CTSS: variants seen among roughly 807,000 people sequenced by gnomAD.
CTSS encodes cathepsin S.
A neutral mutation model predicts 39.9 loss-of-function variants in CTSS; 15 were observed. That is an observed-to-expected ratio of 0.38 (90% confidence interval 0.25 to 0.58). The LOEUF (loss-of-function observed/expected upper bound fraction) is 0.58. CTSS is among the 20% of genes least tolerant of loss of function. The pLI is 0.70. For missense variants in CTSS, 250 were observed against 398.2 expected (o/e 0.63, Z 3.17); for synonymous variants, 126 against 138.2 (o/e 0.91, Z 0.62).
chr1:150,741,824 G>A (rs980608228), intron 7 of CTSS, among the ~76,000 whole-genome samples: 1 of 150,596 alleles, frequency 6.6e-6, no homozygotes, highest in South Asian at 2.2e-4. Flanking sequence ...GCAGTGAGCC[G>A]AGATTGTGCC....
chr1:150,760,242 C>T (rs1220051028), intron 2 of CTSS, among the ~76,000 whole-genome samples: 2 of 152,132 alleles, frequency 1.3e-5, no homozygotes, highest in Non-Finnish European at 2.9e-5. Flanking sequence ...AAATTCATCA[C>T]CACCAACGAA....
chr1:150,731,710 A>C lies in CTSS; in HGVS notation c.*1336T>G, dbSNP rs1652527537. On this transcript the variant is annotated 3_prime_UTR_variant, in exon 8 of 8. Transcript: ENST00000368985. ...AGGAAGATCCATCTGAATTAGATAA[A>C]AATATGAGCAGTGGAGTATTGGTTA... is the stretch of plus-strand genomic sequence containing the variant. The C allele has an allele frequency of 6.6e-6, 1 of 152,182 alleles. No individual in the cohort carries two copies. Among genetic ancestry groups the C allele is most frequent in the African/African-American group, 2.4e-5 (1 of 41,448 alleles). The allele number at this position is 152,182 out of a possible 1,614,324, so 9.4% of individuals were successfully genotyped here. A position where few individuals can be genotyped will look rare whatever the true frequency, so the allele number is the denominator to read the frequency against.
chr1:150,740,790 G>A (rs587749968), intron 7 of CTSS, among the ~76,000 whole-genome samples: 5 of 151,734 alleles, frequency 3.3e-5, no homozygotes, highest in Admixed American at 3.3e-4. Context: ...AACTTCCTGG[G>A]CTCAAGTGAT....
At chr1:150,745,855 CAG>C (rs1372614300) in intron 7 of CTSS, among the ~76,000 whole-genome samples, 1 of 151,868 alleles carries the variant, frequency 6.6e-6, no homozygotes, top group Non-Finnish European at 1.5e-5. Flanking sequence ...ATTTAATTGA[CAG>C]ATTGTATAAA....
intron 7 of CTSS, among the ~76,000 whole-genome samples, chr1:150,746,897 G>A (rs973412050): frequency 3.9e-5 from 6 of 152,068 alleles, no homozygotes; most frequent in Non-Finnish European, 5.9e-5. Context: ...ATTTTACACC[G>A]AATGAAACTC....
intron 4 of CTSS, 87 bp downstream of exon 4, chr1:150,754,914 G>C (rs1293619481): frequency 2.1e-6 from 3 of 1,397,350 alleles, no homozygotes; most frequent in Non-Finnish European, 2.9e-6. Flanking sequence ...ACGTGGGACT[G>C]TAAGATTCAC....
chr1:150,761,454 G>A (rs770935781), intron 2 of CTSS, among the ~76,000 whole-genome samples: 7 of 152,104 alleles, frequency 4.6e-5, no homozygotes, highest in East Asian at 1.9e-4. Flanking sequence ...AAAATAGGCC[G>A]GGCGTGGTGG....
chr1:150,750,197 G>GT (rs1652981790), intron 5 of CTSS, 26 bp from the exon 6 acceptor site: 2 of 1,569,092 alleles, frequency 1.3e-6, no homozygotes, highest in Non-Finnish European at 1.7e-6. Context: ...TAAATATGAT[G>GT]AAGTATACTT....
Position 150,757,851 on chromosome 1 carries a change from T to C in CTSS, c.249+7A>G. On this transcript the variant is annotated splice_region_variant and intron_variant, in intron 3 of 7. Coordinates refer to ENST00000368985, the MANE Select transcript of CTSS (RefSeq NM_004079.5). Reference sequence around the variant, plus strand: ...CGTGAAAGTGGGATTTCTTGTAATGTACCTACCATGTCTCCCAGGTGGTTC... The same window carrying C: ...CGTGAAAGTGGGATTTCTTGTAATGCACCTACCATGTCTCCCAGGTGGTTC... The C allele has an allele frequency of 6.2e-7, 1 of 1,612,790 alleles. No individual in the cohort carries two copies.
rs1269575796 is a variant in CTSS, at chr1:150,732,045, C to T, written c.*1001G>A. 6.6e-6 allele frequency: 1 copy of T among 152,068 alleles called. No homozygotes were observed. Among genetic ancestry groups the T allele is most frequent in the African/African-American group, 2.4e-5 (1 of 41,380 alleles). 9.4% of individuals were successfully genotyped at this position (152,068 alleles called of 1,614,324 possible). A position where few individuals can be genotyped will look rare whatever the true frequency, so the allele number is the denominator to read the frequency against. ...GTCTTAGACATCTGCATAGCAGGGA[C>T]CACAGGCACACACCACCACTCCTGG... On this transcript the variant is annotated 3_prime_UTR_variant, in exon 8 of 8. Coordinates refer to ENST00000368985, the MANE Select transcript of CTSS (RefSeq NM_004079.5).
chr1:150,733,917 G>C (rs375445495), intron 7 of CTSS, among the ~76,000 whole-genome samples: 1 of 152,182 alleles, frequency 6.6e-6, no homozygotes, highest in Admixed American at 6.6e-5. Flanking sequence ...GGTCGGATTA[G>C]GGTTCGAGTA....
At chr1:150,765,293 T>C (rs1420640427) in intron 1 of CTSS, among the ~76,000 whole-genome samples, 1 of 147,716 alleles carries the variant, frequency 6.8e-6, no homozygotes, top group African/African-American at 2.7e-5. Context: ...TTACGTTTTT[T>C]TTTTTTTAAT....
intron 3 of CTSS, among the ~76,000 whole-genome samples, chr1:150,757,240 GT>G (rs1052600649): frequency 6.6e-6 from 1 of 152,184 alleles, no homozygotes. Context: ...AAAACTAGAA[GT>G]TACAGGGAGG....
chr1:150,747,667 A>G (rs112647040), intron 7 of CTSS, 110 bp downstream of exon 7: 4 of 734,222 alleles, frequency 5.4e-6, no homozygotes, highest in Non-Finnish European at 9.4e-6. Flanking sequence ...TATAAAGTTC[A>G]TCATTGTCAA....
intron 7 of CTSS, among the ~76,000 whole-genome samples, chr1:150,747,433 G>GA (rs1454645185): frequency 3.3e-5 from 5 of 152,022 alleles, no homozygotes; most frequent in Non-Finnish European, 7.4e-5. Context: ...TAGCACCCAA[G>GA]AAAAAATAAA....
In CTSS at chr1:150,764,849, G is replaced by A. The variant is rs1160536088; in HGVS notation, c.-1-85C>T. On this transcript the variant is annotated intron_variant, in intron 1 of 7. Coordinates refer to ENST00000368985, the MANE Select transcript of CTSS (RefSeq NM_004079.5). ...TGTTTTCATAAGAGAAAATAACAATGCAAAGTCTATCAAAGGGACAGACTA... is the reference window on the plus strand; with the variant it reads ...TGTTTTCATAAGAGAAAATAACAATACAAAGTCTATCAAAGGGACAGACTA... 3 of 1,495,274 alleles carry A rather than the reference G, an allele frequency of 2.0e-6. No individual in the cohort carries two copies. The East Asian group carries it at 6.9e-5, about 34-fold the overall frequency. The allele number at this position is 1,495,274 out of a possible 1,614,324, so 92.6% of individuals were successfully genotyped here.
At chr1:150,739,595 G>A (rs1651279751) in intron 7 of CTSS, among the ~76,000 whole-genome samples, 1 of 152,104 alleles carries the variant, frequency 6.6e-6, no homozygotes, top group Admixed American at 6.6e-5. Context: ...TTGGAGGGAG[G>A]CGGAGGTTGC....
intron 7 of CTSS, among the ~76,000 whole-genome samples, chr1:150,740,557 AT>A (rs1159465765): frequency 6.6e-6 from 1 of 151,414 alleles, no homozygotes; most frequent in African/African-American, 2.4e-5. Flanking sequence ...CGCCTGGCTA[AT>A]TTTTTTTGTA....
intron 3 of CTSS, among the ~76,000 whole-genome samples, chr1:150,756,154 T>G (rs1653121899): frequency 6.6e-6 from 1 of 152,086 alleles, no homozygotes; most frequent in South Asian, 2.1e-4. Flanking sequence ...CACACACACA[T>G]TAGCCTAGGC....
Sources: gnomAD v4.1 joint callset for allele counts (sites outside exome capture counted in the v4.1 genomes callset) on GRCh38, gnomAD v4.1.1 for gene constraint, MANE v1.5 for transcripts, NCBI Gene and HGNC (gene_info 2026-07-23, HGNC 2026-07-21) for gene names.